Variants in HYDIN observed in about 807,000 individuals in gnomAD.
The protein encoded by HYDIN is HYDIN axonemal central pair apparatus protein.
HYDIN carries 132 observed loss-of-function variants against 403.9 expected under a neutral mutation model. The observed-to-expected ratio is 0.33, with a 90% CI of 0.28 to 0.38. The LOEUF is 0.38. Ranked by LOEUF, HYDIN falls within the 10% of genes least tolerant of loss-of-function variation. The pLI is 1.00. For synonymous variants in HYDIN, 1,202 were observed against 1,891.7 expected (o/e 0.64, Z 9.46); for missense variants, 2,827 against 5,009.5 (o/e 0.56, Z 13.15).
At chr16:70,875,472 A>G (rs1798417) in intron 62 of HYDIN, among the ~76,000 whole-genome samples, 30,378 of 148,080 alleles carry the variant, frequency 0.21, 5,961 homozygotes, top group African/African-American at 0.55. Flanking sequence ...CTAAAGCCAT[A>G]CATCTGATTT....
At chr16:71,152,175 TGGG>T (rs1238643649) in intron 7 of HYDIN, among the ~76,000 whole-genome samples, 159 of 150,908 alleles carry the variant, frequency 1.1e-3, no homozygotes, top group African/African-American at 3.7e-3. Context: ...TTTCAAGCAC[TGGG>T]GACACCAGTT....
chr16:70,887,186 T>A (rs1049936172), intron 58 of HYDIN, among the ~76,000 whole-genome samples: 21 of 152,346 alleles, frequency 1.4e-4, no homozygotes, highest in African/African-American at 4.6e-4. Flanking sequence ...CTCCGAAAGA[T>A]GTCCACATCC....
chr16:71,153,052 A>G (rs1479478672), intron 6 of HYDIN, among the ~76,000 whole-genome samples: 2 of 152,238 alleles, frequency 1.3e-5, no homozygotes, highest in African/African-American at 4.8e-5. Flanking sequence ...CCCTGCTTTT[A>G]ACATTCATTG....
intron 6 of HYDIN, among the ~76,000 whole-genome samples, chr16:71,161,488 T>G (rs1177557481): frequency 6.6e-6 from 1 of 152,150 alleles, no homozygotes; most frequent in Non-Finnish European, 1.5e-5. Flanking sequence ...AATACTCAGA[T>G]TAAAATCCAG....
chr16:71,130,296 T>C (rs944567427), intron 8 of HYDIN, among the ~76,000 whole-genome samples: 1 of 152,070 alleles, frequency 6.6e-6, no homozygotes, highest in Admixed American at 6.5e-5. Context: ...ACTAATTCTG[T>C]GATCTGTTTA....
chr16:70,862,827 C>T (rs2039495772), intron 68 of HYDIN, among the ~76,000 whole-genome samples: 1 of 151,430 alleles, frequency 6.6e-6, no homozygotes, highest in Non-Finnish European at 1.5e-5. Flanking sequence ...AAGGTTAAGA[C>T]CTAAGAGACA....
intron 58 of HYDIN, among the ~76,000 whole-genome samples, chr16:70,888,866 C>T (rs2041308442): frequency 2.0e-5 from 3 of 152,280 alleles, no homozygotes; most frequent in Non-Finnish European, 4.4e-5. Context: ...TGTGGTAGAA[C>T]AGTTATTATA....
At chr16:71,221,169 T>C (rs1401491013) in intron 1 of HYDIN, among the ~76,000 whole-genome samples, 1 of 151,846 alleles carries the variant, frequency 6.6e-6, no homozygotes, top group Non-Finnish European at 1.5e-5. Flanking sequence ...TTTCAACGTT[T>C]GGGTCAAAAA....
In HYDIN at chr16:70,850,487, C is replaced by G. The variant is rs747924148; in HGVS notation, c.12612G>C (p.Leu4204=). ...KCKDRTGSIT[L]LTPNQTNIIN... is the part of the protein sequence containing the mutation. ...TGATGTTAGTCTGGTTGGGAGTCAA[C>G]AGAGTGATGGAGCCTGTCCTGTCCT... The change falls in exon 74 of 86, where the codon CTG becomes CTC. Residue 4204 remains leucine, a synonymous_variant. Transcript: ENST00000393567. 2 of 1,596,396 alleles carry G rather than the reference C, an allele frequency of 1.3e-6. No individual in the cohort carries two copies. The highest frequency in any genetic ancestry group is 2.2e-5 in the South Asian group (2 of 89,758).
chr16:71,225,407 T>C (rs2040989206), intron 1 of HYDIN, among the ~76,000 whole-genome samples: 1 of 152,182 alleles, frequency 6.6e-6, no homozygotes, highest in Non-Finnish European at 1.5e-5. Flanking sequence ...CATACCTAGG[T>C]AGAACACCTG....
At chr16:71,156,665 T>C (rs1224641318) in intron 6 of HYDIN, among the ~76,000 whole-genome samples, 1 of 151,960 alleles carries the variant, frequency 6.6e-6, no homozygotes, top group Non-Finnish European at 1.5e-5. Context: ...ACCATCCAAA[T>C]GATTCAATAT....
chr16:71,081,529 C>A (rs182350331), intron 12 of HYDIN, among the ~76,000 whole-genome samples: 9 of 151,982 alleles, frequency 5.9e-5, no homozygotes, highest in African/African-American at 2.2e-4. Flanking sequence ...GTCCGACATG[C>A]GCAAGATGCT....
intron 61 of HYDIN, 43 bp downstream of exon 61, chr16:70,879,562 A>G (rs765691297): frequency 2.5e-6 from 4 of 1,608,734 alleles, no homozygotes; most frequent in Non-Finnish European, 3.4e-6. Context: ...TGTGGCCTGC[A>G]GTCCTGCTGC....
chr16:71,020,175 T>C lies in HYDIN; in HGVS notation c.3329A>G (p.Glu1110Gly). The change falls in exon 22 of 86, where the codon GAG becomes GGG. Residue 1110 changes from glutamate to glycine, a missense_variant and splice_region_variant. Physicochemically the swap from Glu to Gly is moderately conservative, Grantham distance 98. Coordinates refer to ENST00000393567, the MANE Select transcript of HYDIN (RefSeq NM_001270974.2). ...TDKSLLPATP[E>G]PIKLEIDEEK... is the part of the protein sequence containing the mutation. Reference sequence around the variant, plus strand: ...CAGAACAGACCCCTATTAAGGTACCTCAGGAGTTGCCGGCAGCAGGGATTT... The same window carrying C: ...CAGAACAGACCCCTATTAAGGTACCCCAGGAGTTGCCGGCAGCAGGGATTT... 3 of 1,613,690 alleles carry C rather than the reference T, an allele frequency of 1.9e-6. No individual in the cohort carries two copies. Among genetic ancestry groups the C allele is most frequent in the African/African-American group, 1.3e-5 (1 of 74,970 alleles).
chr16:70,996,481 C>T (rs1287857280), intron 23 of HYDIN, among the ~76,000 whole-genome samples: 3 of 151,818 alleles, frequency 2.0e-5, no homozygotes, highest in African/African-American at 4.8e-5. Flanking sequence ...GTTTGAATTC[C>T]GGCTTCCCCA....
intron 65 of HYDIN, among the ~76,000 whole-genome samples, chr16:70,870,838 T>TGTTGAGACCAG (rs2040049439): frequency 1.4e-5 from 2 of 148,108 alleles, no homozygotes. Flanking sequence ...GAGACCAGAC[T>TGTTGAGACCAG]GGACAACACG....
chr16:70,967,099 A>G (rs2078600255), intron 36 of HYDIN, among the ~76,000 whole-genome samples: 1 of 152,082 alleles, frequency 6.6e-6, no homozygotes, highest in Non-Finnish European at 1.5e-5. Flanking sequence ...GAGGGAATTA[A>G]GAGGCCGTTT....
intron 41 of HYDIN, among the ~76,000 whole-genome samples, chr16:70,946,632 C>T (rs938646875): frequency 2.0e-5 from 3 of 151,910 alleles, no homozygotes; most frequent in Non-Finnish European, 4.4e-5. Context: ...GAGGTGGGTG[C>T]TAGGTAGTGA....
intron 1 of HYDIN, among the ~76,000 whole-genome samples, chr16:71,188,957 A>G (rs1180761951): frequency 6.6e-6 from 1 of 152,236 alleles, no homozygotes; most frequent in Non-Finnish European, 1.5e-5. Flanking sequence ...ACTTAAAAAC[A>G]AAACAAAGAA....
Sources: allele counts gnomAD v4.1 joint callset (sites outside exome capture counted in the v4.1 genomes callset), GRCh38; gene constraint gnomAD v4.1.1; transcripts MANE v1.5; gene names NCBI Gene and HGNC (gene_info 2026-07-23, HGNC 2026-07-21).